The following ADGRE3 variants were observed in gnomAD, a reference collection of about 807,000 sequenced individuals.
ADGRE3 encodes EGF-like module receptor 3.
A neutral mutation model predicts 80.1 loss-of-function variants in ADGRE3; 88 were observed. The observed-to-expected ratio is 1.10, with a 90% CI of 0.93 to 1.31. The LOEUF (loss-of-function observed/expected upper bound fraction) is 1.31. Among genes scored for constraint, ADGRE3 ranks in the 40% most tolerant of loss-of-function variants. ADGRE3 has a pLI of 0.00. For synonymous variants in ADGRE3, 281 were observed against 294.8 expected (o/e 0.95, Z 0.48); for missense variants, 715 against 776.5 (o/e 0.92, Z 0.94).
In ADGRE3 at chr19:14,663,517, T is replaced by C. The variant is rs371686982; in HGVS notation, c.100A>G (p.Asn34Asp). 2.4e-5 allele frequency: 38 copies of C among 1,613,040 alleles called. No homozygotes were observed. The highest frequency in any genetic ancestry group is 4.0e-5 in the African/African-American group (3 of 74,868). Residue 34 changes from asparagine to aspartate, a missense_variant, in exon 3 of 16, where the codon AAT becomes GAT. Physicochemically the swap from Asn to Asp is conservative, Grantham distance 23. Transcript: ENST00000253673. Reference sequence around the variant, plus strand: ...TGAGTGTTATTGACACAGGAAGCATTTGGGGGGCACTTAGCACAGGAAGCT... The same window carrying C: ...TGAGTGTTATTGACACAGGAAGCATCTGGGGGGCACTTAGCACAGGAAGCT... ...TKTSCAKCPP[N>D]ASCVNNTHCT...
At chr19:14,650,638 TCTCTCTC>T (rs1568490834) in intron 7 of ADGRE3, among the ~76,000 whole-genome samples, 1,964 of 86,456 alleles carry the variant, frequency 0.023, 70 homozygotes, top group African/African-American at 0.051. Context: ...CATCTCTCTC[TCTCTCTC>T]TCTCTCTCTC....
intron 8 of ADGRE3, among the ~76,000 whole-genome samples, chr19:14,646,853 C>T (rs1002979058): frequency 2.6e-5 from 4 of 151,910 alleles, no homozygotes; most frequent in African/African-American, 9.7e-5. Flanking sequence ...TCACTGCAGC[C>T]TCCAACTCCT....
intron 15 of ADGRE3, among the ~76,000 whole-genome samples, chr19:14,619,952 GTTA>G (rs1970491052): frequency 1.3e-5 from 2 of 152,174 alleles, no homozygotes; most frequent in South Asian, 2.1e-4. Flanking sequence ...TCCTAGCCTA[GTTA>G]TAAGAGTTGT....
chr19:14,600,553 T>G, the ADGRE3 span, among the ~76,000 whole-genome samples: 1 of 152,148 alleles, frequency 6.6e-6, no homozygotes, highest in Non-Finnish European at 1.5e-5. Flanking sequence ...TATACATTAG[T>G]ATGCCAGTCG....
At chr19:14,606,760 T>G in the ADGRE3 span, among the ~76,000 whole-genome samples, 46 of 151,664 alleles carry the variant, frequency 3.0e-4, no homozygotes, top group African/African-American at 9.9e-4. Flanking sequence ...GTGAGGAAAC[T>G]GAGGCACGGA....
intron 3 of ADGRE3, 116 bp downstream of exon 3, chr19:14,663,302 T>G: frequency 2.0e-6 from 1 of 509,342 alleles, no homozygotes; most frequent in Admixed American, 4.5e-5. Flanking sequence ...TGTGTCCAGC[T>G]TGCGGTGAGC....
intron 1 of ADGRE3, 152 bp from the exon 2 acceptor site, chr19:14,669,004 G>T: frequency 1.4e-6 from 1 of 695,158 alleles, no homozygotes; most frequent in Non-Finnish European, 2.4e-6. Context: ...TGAGTATGGA[G>T]ATCTCTCAAA....
rs45508602 is a variant in ADGRE3 at position 14,641,513 on chromosome 19, C to T, written c.1154G>A (p.Arg385Gln). The change falls in exon 10 of 16, where the codon CGG (arginine) becomes CAG (glutamine). Residue 385 changes from arginine to glutamine, a missense_variant. By Grantham distance (43) the Arg-to-Gln change is conservative (BLOSUM62 1). Transcript: ENST00000253673. ...CAGATGCAGTGAGGTGCTGGTGTTC[C>T]GGATGGCTTTACACAGGAGAAAAGT... Reference protein sequence around the residue: ...ALTFLLCKAIRNTSTSLHLQL... With the variant: ...ALTFLLCKAIQNTSTSLHLQL... The T allele has an allele frequency of 0.86, 1,388,380 of 1,613,850 alleles. 598,279 individuals are homozygous for T. The highest frequency in any genetic ancestry group is 0.94 in the South Asian group (86,067 of 91,078).
At chr19:14,634,275 TA>T (rs1178698733) in intron 11 of ADGRE3, among the ~76,000 whole-genome samples, 1 of 152,174 alleles carries the variant, frequency 6.6e-6, no homozygotes, top group Non-Finnish European at 1.5e-5. Context: ...TGCTGCAACA[TA>T]AAAAATACTC....
rs1428297596 is a variant in ADGRE3, at chr19:14,633,698, C to G, written c.1485-396G>C. ...CCAGCCTGGGCGACAGACTGAGACT[C>G]CGTCTCAAAAAAAATAAAATAAAAT... On this transcript the variant is annotated intron_variant, in intron 11 of 15. Coordinates refer to ENST00000253673, the MANE Select transcript of ADGRE3 (RefSeq NM_032571.5). Among the ~76,000 whole-genome samples, 10 of 129,238 alleles carry G rather than the reference C, an allele frequency of 7.7e-5. No homozygotes were observed. In the East Asian group the frequency reaches 2.0e-3, roughly 26 times the overall value. 84.8% of individuals were successfully genotyped at this position (129,238 alleles called of 152,430 possible).
chr19:14,620,851 T>A (rs969024453), intron 15 of ADGRE3, among the ~76,000 whole-genome samples: 3 of 151,654 alleles, frequency 2.0e-5, no homozygotes, highest in Non-Finnish European at 4.4e-5. Flanking sequence ...ACACTCATAT[T>A]ATTCAATTTC....
intron 15 of ADGRE3, among the ~76,000 whole-genome samples, chr19:14,619,747 T>A (rs754943882): frequency 3.3e-5 from 5 of 152,212 alleles, no homozygotes; most frequent in Non-Finnish European, 5.9e-5. Flanking sequence ...CTGGATGTTT[T>A]TTTGTCTATG....
chr19:14,606,685 A>G, the ADGRE3 span, among the ~76,000 whole-genome samples: 1 of 151,910 alleles, frequency 6.6e-6, no homozygotes, highest in African/African-American at 2.4e-5. Context: ...CTCTCAAAAA[A>G]AAAAAAAAAA....
rs775223026 is a variant in ADGRE3, at chr19:14,625,519, C to T, written c.1893G>A (p.Lys631=). The part of the protein sequence containing the change: ...SESETYTLSS[K]MGPDSKPSEG... ...CACTGGGTTTTGAGTCAGGACCCAT[C>T]TTGCTGGAAAGTGTGTATGTCTCAG... The change falls in exon 15 of 16, where the codon AAG becomes AAA. Residue 631 remains lysine, a synonymous_variant. Coordinates refer to ENST00000253673, the MANE Select transcript of ADGRE3 (RefSeq NM_032571.5). 6.2e-7 allele frequency: 1 copy of T among 1,613,118 alleles called. No individual in the cohort carries two copies. Among genetic ancestry groups the T allele is most frequent in the Non-Finnish European group, 8.5e-7 (1 of 1,179,078 alleles).
At chr19:14,611,545 C>A in the ADGRE3 span, among the ~76,000 whole-genome samples, 2 of 151,634 alleles carry the variant, frequency 1.3e-5, no homozygotes, top group Non-Finnish European at 2.9e-5. Flanking sequence ...ACCTGGCTGG[C>A]CCATGGAACT....
intron 4 of ADGRE3, among the ~76,000 whole-genome samples, chr19:14,659,022 C>T (rs577198620): frequency 1.5e-4 from 23 of 148,898 alleles, no homozygotes; most frequent in Non-Finnish European, 2.5e-4. Context: ...CATGAGCCAT[C>T]GCACCTGGCT....
the ADGRE3 span, among the ~76,000 whole-genome samples, chr19:14,611,898 G>C: frequency 6.6e-6 from 1 of 152,124 alleles, no homozygotes; most frequent in Non-Finnish European, 1.5e-5. Flanking sequence ...CAGCTACTCA[G>C]GAGACTAAGG....
intron 1 of ADGRE3, among the ~76,000 whole-genome samples, chr19:14,673,601 T>C (rs1972313108): frequency 6.6e-6 from 1 of 152,230 alleles, no homozygotes; most frequent in Admixed American, 6.5e-5. Flanking sequence ...TGTGTGATGT[T>C]GGACAAATAA....
chr19:14,605,246 A>G, the ADGRE3 span, among the ~76,000 whole-genome samples: 1 of 151,754 alleles, frequency 6.6e-6, no homozygotes, highest in Non-Finnish European at 1.5e-5. Context: ...TACAGGCATG[A>G]CACCACGCCT....
Sources: gnomAD v4.1 joint callset for allele counts (sites outside exome capture counted in the v4.1 genomes callset) on GRCh38, gnomAD v4.1.1 for gene constraint, MANE v1.5 for transcripts, NCBI Gene and HGNC (gene_info 2026-07-23, HGNC 2026-07-21) for gene names.